ARB2A: variants seen among roughly 807,000 people sequenced by gnomAD.
The protein encoded by ARB2A is cotranscriptional regulator ARB2A.
At chr5:93,817,310 A>G in the ARB2A span, among the ~76,000 whole-genome samples, 1 of 152,220 alleles carries the variant, frequency 6.6e-6, no homozygotes, top group Non-Finnish European at 1.5e-5. Context: ...ACTGAAAACA[A>G]CAAAGCATTT....
chr5:93,778,968 G>C, the ARB2A span, among the ~76,000 whole-genome samples: 5 of 152,062 alleles, frequency 3.3e-5, no homozygotes, highest in Admixed American at 6.5e-5. Flanking sequence ...TTAAGGCTTT[G>C]ATCTCTCATA....
chr5:93,995,225 C>T, the ARB2A span, among the ~76,000 whole-genome samples: 1 of 152,156 alleles, frequency 6.6e-6, no homozygotes, highest in Non-Finnish European at 1.5e-5. Context: ...TGTGAGTACC[C>T]ACTTAAAATG....
At chr5:94,020,659 C>G in the ARB2A span, among the ~76,000 whole-genome samples, 5 of 152,222 alleles carry the variant, frequency 3.3e-5, no homozygotes, top group East Asian at 9.7e-4. Context: ...TATTGTAGAT[C>G]TGATAATATT....
the ARB2A span, among the ~76,000 whole-genome samples, chr5:93,789,473 A>G: frequency 6.6e-6 from 1 of 152,246 alleles, no homozygotes; most frequent in Non-Finnish European, 1.5e-5. Flanking sequence ...AAAGGCTTGA[A>G]AAGTATAAAA....
the ARB2A span, among the ~76,000 whole-genome samples, chr5:93,702,734 T>C: frequency 6.6e-6 from 1 of 152,192 alleles, no homozygotes; most frequent in East Asian, 1.9e-4. Context: ...TCCTTCTTAA[T>C]ATGTTCCTTT....
chr5:94,004,118 G>A, the ARB2A span, among the ~76,000 whole-genome samples: 5 of 152,078 alleles, frequency 3.3e-5, no homozygotes, highest in Non-Finnish European at 7.4e-5. Context: ...CACAGTGCTG[G>A]AGCAACTGGA....
chr5:93,919,508 T>C, the ARB2A span, among the ~76,000 whole-genome samples: 2 of 152,156 alleles, frequency 1.3e-5, no homozygotes, highest in African/African-American at 4.8e-5. Flanking sequence ...ATGAAGGGAA[T>C]TGTAATTCTT....
the ARB2A span, chr5:93,734,973 T>C: frequency 6.6e-6 from 1 of 152,136 alleles, no homozygotes; most frequent in Non-Finnish European, 1.5e-5. Context: ...GCCAGGCTGG[T>C]CTCGAACTCC....
the ARB2A span, among the ~76,000 whole-genome samples, chr5:93,819,179 C>T: frequency 9.8e-6 from 1 of 102,414 alleles, no homozygotes; most frequent in Non-Finnish European, 2.1e-5. Flanking sequence ...GAGCGAAACT[C>T]CGTCTCAAAA....
At chr5:94,091,488 G>A in the ARB2A span, among the ~76,000 whole-genome samples, 1 of 152,178 alleles carries the variant, frequency 6.6e-6, no homozygotes, top group African/African-American at 2.4e-5. Flanking sequence ...CAAGGCCAGA[G>A]AGAAGAGGCT....
At chr5:93,981,065 C>T in the ARB2A span, among the ~76,000 whole-genome samples, 2 of 102,170 alleles carry the variant, frequency 2.0e-5, no homozygotes, top group African/African-American at 7.3e-5. Context: ...TACTGTATTT[C>T]TTAATTTTTT....
At chr5:93,917,224 C>T in the ARB2A span, among the ~76,000 whole-genome samples, 4 of 152,152 alleles carry the variant, frequency 2.6e-5, no homozygotes, top group Non-Finnish European at 5.9e-5. Flanking sequence ...GAATTCCCCA[C>T]TAATAATGTT....
At chr5:93,834,861 A>C in the ARB2A span, among the ~76,000 whole-genome samples, 1 of 152,154 alleles carries the variant, frequency 6.6e-6, no homozygotes, top group Non-Finnish European at 1.5e-5. Flanking sequence ...TTTGAGACTA[A>C]ACAGATTCAA....
the ARB2A span, among the ~76,000 whole-genome samples, chr5:93,662,863 A>G: frequency 3.9e-5 from 6 of 152,238 alleles, no homozygotes; most frequent in East Asian, 1.2e-3. Flanking sequence ...TGAAAAGAAC[A>G]GAAATTATTT....
chr5:93,717,988 C>A, the ARB2A span, among the ~76,000 whole-genome samples: 1 of 151,878 alleles, frequency 6.6e-6, no homozygotes, highest in Admixed American at 6.6e-5. Flanking sequence ...GTGCGCACCA[C>A]CATGCCCGGC....
chr5:93,741,694 G>T, the ARB2A span: 1 of 1,091,636 alleles, frequency 9.2e-7, no homozygotes, highest in Non-Finnish European at 1.3e-6. Flanking sequence ...GTGCCTGTGC[G>T]TAGGCGGGGA....
the ARB2A span, chr5:94,055,568 T>G: frequency 3.2e-6 from 3 of 924,030 alleles, no homozygotes; most frequent in Non-Finnish European, 3.9e-6. Flanking sequence ...AAAAAAAAGT[T>G]TGTACACTCT....
the ARB2A span, among the ~76,000 whole-genome samples, chr5:93,812,753 T>A: frequency 6.6e-6 from 1 of 152,198 alleles, no homozygotes; most frequent in Non-Finnish European, 1.5e-5. Context: ...ATTTAAATCA[T>A]CTGACTCGAT....
the ARB2A span, among the ~76,000 whole-genome samples, chr5:93,793,239 A>ATTTTTTTTTTTTTTTTTTT: frequency 1.5e-5 from 1 of 64,780 alleles, no homozygotes; most frequent in Non-Finnish European, 2.9e-5. Flanking sequence ...CTTCTGGCTA[A>ATTTTTTTTTTTTTTTTTTT]TTTTTTTTTT....
Sources: gnomAD v4.1 joint callset for allele counts (sites outside exome capture counted in the v4.1 genomes callset) on GRCh38, gnomAD v4.1.1 for gene constraint, MANE v1.5 for transcripts, NCBI Gene and HGNC (gene_info 2026-07-23, HGNC 2026-07-21) for gene names.